The following TRDN variants were observed in gnomAD, a reference collection of about 807,000 sequenced individuals.
The protein encoded by TRDN is triadin, also known as triadin in skeletal muscle.
TRDN carries 161 observed loss-of-function variants against 149.7 expected under a neutral mutation model. The ratio of observed to expected loss-of-function variants is 1.08; its 90% CI spans 0.95 to 1.23. The LOEUF is 1.23. Among genes scored for constraint, TRDN ranks in the 50% most tolerant of loss-of-function variants. The pLI, the probability that TRDN is intolerant of heterozygous loss-of-function variation, is 0.00. For synonymous variants in TRDN, 294 were observed against 250.5 expected (o/e 1.17, Z -1.64); for missense variants, 896 against 823.5 (o/e 1.09, Z -1.08).
At chr6:123,405,375 C>T (rs1352489138) in intron 12 of TRDN, among the ~76,000 whole-genome samples, 1 of 152,180 alleles carries the variant, frequency 6.6e-6, no homozygotes, top group African/African-American at 2.4e-5. Context: ...TTCCAGTTAG[C>T]CCATCTCCAT....
At chr6:123,314,445 T>C (rs1326093661) in intron 24 of TRDN, among the ~76,000 whole-genome samples, 1 of 151,966 alleles carries the variant, frequency 6.6e-6, no homozygotes, top group Non-Finnish European at 1.5e-5. Flanking sequence ...TGGCGATTCA[T>C]CAAAGACCAG....
At chr6:123,570,767 A>G (rs182138095) in intron 2 of TRDN, among the ~76,000 whole-genome samples, 156 bp downstream of exon 2, 315 of 152,280 alleles carry the variant, frequency 2.1e-3, no homozygotes, top group African/African-American at 7.3e-3. Flanking sequence ...GGAAAAAGGG[A>G]AGAATGAAAC....
At chr6:123,377,683 T>G (rs753622065) in intron 18 of TRDN, 33 bp downstream of exon 18, 1 of 1,612,402 alleles carries the variant, frequency 6.2e-7, no homozygotes, top group East Asian at 2.2e-5. Context: ...TGGACATGAG[T>G]ATTCGGAATC....
intron 9 of TRDN, among the ~76,000 whole-genome samples, chr6:123,483,793 A>G (rs1777869649): frequency 1.3e-5 from 2 of 152,344 alleles, no homozygotes; most frequent in African/African-American, 4.8e-5. Flanking sequence ...TAGAGATTCA[A>G]TAACTGCTGA....
intron 16 of TRDN, among the ~76,000 whole-genome samples, chr6:123,380,709 C>T (rs1211972798): frequency 1.2e-5 from 1 of 81,310 alleles, no homozygotes; most frequent in Non-Finnish European, 2.5e-5. Flanking sequence ...TGAATAAGTT[C>T]AAGGGTTTTT....
chr6:123,250,423 T>A (rs377230420), intron 38 of TRDN, among the ~76,000 whole-genome samples: 1 of 152,064 alleles, frequency 6.6e-6, no homozygotes, highest in African/African-American at 2.4e-5. Flanking sequence ...TACATATACA[T>A]AATGCTGTAA....
intron 12 of TRDN, among the ~76,000 whole-genome samples, chr6:123,419,405 C>T (rs1417585266): frequency 6.6e-6 from 1 of 152,110 alleles, no homozygotes; most frequent in African/African-American, 2.4e-5. Flanking sequence ...GAGACAGGGT[C>T]TCACTCTGGC....
intron 38 of TRDN, among the ~76,000 whole-genome samples, chr6:123,224,597 A>G (rs1775287433): frequency 6.6e-6 from 1 of 151,814 alleles, no homozygotes; most frequent in Non-Finnish European, 1.5e-5. Context: ...CCAGAAATAA[A>G]CCCATGCACA....
intron 9 of TRDN, among the ~76,000 whole-genome samples, chr6:123,466,187 T>G (rs1167217590): frequency 6.6e-6 from 1 of 152,240 alleles, no homozygotes; most frequent in Non-Finnish European, 1.5e-5. Context: ...AAGTAAAGAT[T>G]GACTTAAACA....
At chr6:123,502,818 C>T in intron 8 of TRDN, 6 of 985,180 alleles carry the variant, frequency 6.1e-6, no homozygotes, top group African/African-American at 1.7e-5. Context: ...CCAAGAAACA[C>T]CAATTACAGG....
chr6:123,478,876 A>C (rs1777619466), intron 9 of TRDN, among the ~76,000 whole-genome samples: 2 of 152,124 alleles, frequency 1.3e-5, no homozygotes, highest in African/African-American at 4.8e-5. Flanking sequence ...CAGAGGACCC[A>C]GTGTATGCTT....
chr6:123,520,487 C>T (rs1779618166), intron 5 of TRDN, among the ~76,000 whole-genome samples: 1 of 152,100 alleles, frequency 6.6e-6, no homozygotes, highest in Non-Finnish European at 1.5e-5. Flanking sequence ...TTCTCATAAG[C>T]CAAAATGTGC....
chr6:123,317,324 G>GA (rs899542191), intron 23 of TRDN, among the ~76,000 whole-genome samples: 7 of 151,728 alleles, frequency 4.6e-5, no homozygotes, highest in Non-Finnish European at 8.8e-5. Flanking sequence ...CCAAACAGCA[G>GA]AAAAAACTGA....
chr6:123,376,459 T>C (rs1781509278), intron 18 of TRDN, among the ~76,000 whole-genome samples: 1 of 152,196 alleles, frequency 6.6e-6, no homozygotes, highest in Admixed American at 6.6e-5. Flanking sequence ...TGTTTCTTCC[T>C]TCACTCAATA....
intron 1 of TRDN, among the ~76,000 whole-genome samples, chr6:123,634,256 G>A (rs1786171734): frequency 6.6e-6 from 1 of 151,430 alleles, no homozygotes; most frequent in Non-Finnish European, 1.5e-5. Flanking sequence ...AACATAAGGA[G>A]GTCGTGTCTT....
At chr6:123,450,583 G>A (rs1775709293) in intron 10 of TRDN, among the ~76,000 whole-genome samples, 1 of 152,090 alleles carries the variant, frequency 6.6e-6, no homozygotes, top group Non-Finnish European at 1.5e-5. Flanking sequence ...TAACACTGGA[G>A]CTCCCAAAGT....
At chr6:123,404,289 A>C (rs988635465) in intron 12 of TRDN, among the ~76,000 whole-genome samples, 4 of 152,188 alleles carry the variant, frequency 2.6e-5, no homozygotes, top group Non-Finnish European at 4.4e-5. Flanking sequence ...CATTTCTGTA[A>C]ACATGGAAAT....
intron 24 of TRDN, among the ~76,000 whole-genome samples, chr6:123,296,349 C>T (rs534122661): frequency 3.9e-5 from 6 of 152,226 alleles, no homozygotes; most frequent in Admixed American, 1.3e-4. Flanking sequence ...TTTAAATTGA[C>T]TTGAAGATTA....
chr6:123,495,477 C>G (rs1437338039), intron 9 of TRDN, among the ~76,000 whole-genome samples: 1 of 151,920 alleles, frequency 6.6e-6, no homozygotes, highest in Non-Finnish European at 1.5e-5. Flanking sequence ...CGAGATCACA[C>G]CATTGCACTC....
Sources: allele counts gnomAD v4.1 joint callset (sites outside exome capture counted in the v4.1 genomes callset), GRCh38; gene constraint gnomAD v4.1.1; transcripts MANE v1.5; gene names NCBI Gene and HGNC (gene_info 2026-07-23, HGNC 2026-07-21).